Variants in KCNH1 observed in about 807,000 individuals in gnomAD.
The protein encoded by KCNH1 is voltage-gated delayed rectifier potassium channel KCNH1.
A neutral mutation model predicts 69.2 loss-of-function variants in KCNH1; 27 were observed. The ratio of observed to expected loss-of-function variants is 0.39; its 90% CI spans 0.29 to 0.54. The LOEUF (loss-of-function observed/expected upper bound fraction) is 0.54. Ranked by LOEUF, KCNH1 falls within the 20% of genes least tolerant of loss-of-function variation. The pLI is 0.68. For synonymous variants in KCNH1, 456 were observed against 487.7 expected (o/e 0.93, Z 0.86); for missense variants, 798 against 1,261.6 (o/e 0.63, Z 5.57).
At chr1:210,983,234 G>T (rs1688751536) in intron 6 of KCNH1, among the ~76,000 whole-genome samples, 1 of 152,176 alleles carries the variant, frequency 6.6e-6, no homozygotes, top group African/African-American at 2.4e-5. Context: ...TGTTCACTCT[G>T]ATGGTAGTTT....
chr1:211,019,325 A>C, intron 5 of KCNH1, 69 bp from the exon 6 acceptor site: 1 of 984,058 alleles, frequency 1.0e-6, no homozygotes, highest in Non-Finnish European at 1.5e-6. Context: ...ACCAGTCAGC[A>C]TCAGTGATTG....
rs1687416961 is a variant in KCNH1, at chr1:210,919,554, C to G, written c.1462+86G>C. 1 of 1,220,754 alleles carries G rather than the reference C, an allele frequency of 8.2e-7. No individual in the cohort carries two copies. Among genetic ancestry groups the G allele is most frequent in the East Asian group, 2.3e-5 (1 of 42,744 alleles). The allele number at this position is 1,220,754 out of a possible 1,614,324, so 75.6% of individuals were successfully genotyped here. A position where few individuals can be genotyped will look rare whatever the true frequency, so the allele number is the denominator to read the frequency against. On this transcript the variant is annotated intron_variant, in intron 7 of 10. Coordinates refer to ENST00000271751, the MANE Select transcript of KCNH1 (RefSeq NM_172362.3). The surrounding 1 kb of genome is among the most constrained non-coding windows in gnomAD (Gnocchi z 4.2). ...CTTCCTTGTTTTAAGTTATTATTCTCCTGATCCTGCTGGCACTGTAGCCAT... is the reference window on the plus strand; with the variant it reads ...CTTCCTTGTTTTAAGTTATTATTCTGCTGATCCTGCTGGCACTGTAGCCAT...
chr1:210,822,176 G>A (rs899440772), intron 7 of KCNH1, among the ~76,000 whole-genome samples: 1 of 152,064 alleles, frequency 6.6e-6, no homozygotes, highest in Non-Finnish European at 1.5e-5. Context: ...TGATGGGGCT[G>A]GGCAGGGCAT....
At chr1:210,969,903 G>C (rs1258892607) in intron 6 of KCNH1, among the ~76,000 whole-genome samples, 1 of 151,172 alleles carries the variant, frequency 6.6e-6, no homozygotes, top group Admixed American at 6.6e-5. Flanking sequence ...TTTTCATTTT[G>C]TTTTTGTTTT....
intron 5 of KCNH1, among the ~76,000 whole-genome samples, chr1:211,029,334 T>A (rs1205392038): frequency 4.3e-5 from 1 of 23,146 alleles, no homozygotes; most frequent in African/African-American, 2.0e-4. Context: ...TCCTGTCACT[T>A]AAAAAAAAAA....
intron 7 of KCNH1, among the ~76,000 whole-genome samples, chr1:210,889,166 G>C (rs10863867): frequency 0.25 from 38,699 of 152,044 alleles, 5,385 homozygotes; most frequent in African/African-American, 0.38. Flanking sequence ...TAAAATACTG[G>C]CAAACTGAAT....
intron 6 of KCNH1, among the ~76,000 whole-genome samples, chr1:210,920,898 A>G (rs950413615): frequency 3.3e-5 from 5 of 152,178 alleles, no homozygotes; most frequent in Admixed American, 3.3e-4. Context: ...TCACCTGGTC[A>G]AGCCTCTTCC....
chr1:211,097,720 A>G (rs2102478920), intron 3 of KCNH1, among the ~76,000 whole-genome samples: 1 of 152,244 alleles, frequency 6.6e-6, no homozygotes, highest in East Asian at 1.9e-4. Context: ...TACAGTAGGT[A>G]ATCAATATGT....
intron 10 of KCNH1, among the ~76,000 whole-genome samples, chr1:210,743,388 A>T (rs1353969463): frequency 6.6e-6 from 1 of 152,182 alleles, no homozygotes; most frequent in African/African-American, 2.4e-5. Context: ...GATCTCTAGT[A>T]GGCTCTTCCA....
chr1:210,988,135 C>T (rs11578692), intron 6 of KCNH1, among the ~76,000 whole-genome samples: 50,224 of 152,074 alleles, frequency 0.33, 8,717 homozygotes, highest in Non-Finnish European at 0.38. Flanking sequence ...GTTGGAAAAG[C>T]GCAGTATTAG....
intron 6 of KCNH1, among the ~76,000 whole-genome samples, chr1:210,986,931 T>C (rs1688850192): frequency 2.6e-5 from 4 of 152,226 alleles, no homozygotes; most frequent in Admixed American, 2.6e-4. Flanking sequence ...CAGTCAGATG[T>C]AGATTTGGTC....
At chr1:210,710,741 G>A (rs17188506) in intron 10 of KCNH1, among the ~76,000 whole-genome samples, 46,602 of 151,156 alleles carry the variant, frequency 0.31, 8,747 homozygotes, top group South Asian at 0.5. Flanking sequence ...GCCCTCAAAC[G>A]CTGGCTCCTT....
At chr1:211,022,534 G>A (rs1000964097) in intron 5 of KCNH1, among the ~76,000 whole-genome samples, 5 of 152,144 alleles carry the variant, frequency 3.3e-5, no homozygotes, top group Non-Finnish European at 7.4e-5. Context: ...AGAATGAAGA[G>A]ACAACCTACA....
In KCNH1 at chr1:211,081,188, A is replaced by T. The variant is rs192365844; in HGVS notation, c.558+1592T>A. ...GAACAGACACTTCTCAAACGAAGAC[A>T]TTTATGCAGCCAACAGACACATGAA... On this transcript the variant is annotated intron_variant, in intron 5 of 10. Coordinates refer to ENST00000271751, the MANE Select transcript of KCNH1 (RefSeq NM_172362.3). Among the ~76,000 whole-genome samples, 290 of 152,364 alleles carry T rather than the reference A, an allele frequency of 1.9e-3. 2 individuals carry two copies. The highest frequency in any genetic ancestry group is 1.2e-3 in the Non-Finnish European group (80 of 68,038).
intron 10 of KCNH1, among the ~76,000 whole-genome samples, chr1:210,759,452 T>C (rs1345684135): frequency 6.6e-6 from 1 of 151,838 alleles, no homozygotes; most frequent in Non-Finnish European, 1.5e-5. Flanking sequence ...AAAAACAATA[T>C]GGCTATATTA....
At chr1:210,775,673 C>A in intron 9 of KCNH1, 129 bp from the exon 10 acceptor site, 2 of 637,526 alleles carry the variant, frequency 3.1e-6, no homozygotes, top group Non-Finnish European at 2.7e-6. Context: ...AGAAGGCAAA[C>A]ACTATTTTAA....
chr1:210,927,112 A>G (rs1194095209), intron 6 of KCNH1, among the ~76,000 whole-genome samples: 1 of 152,240 alleles, frequency 6.6e-6, no homozygotes. Context: ...TTCCTGGGGA[A>G]GAAGATAAAT....
chr1:210,878,888 G>C (rs1373136556), intron 7 of KCNH1, among the ~76,000 whole-genome samples: 2 of 151,848 alleles, frequency 1.3e-5, no homozygotes, highest in African/African-American at 2.4e-5. Context: ...TTCTATCCAG[G>C]CTAATTCTAA....
intron 10 of KCNH1, among the ~76,000 whole-genome samples, chr1:210,771,689 G>A (rs1345142127): frequency 1.3e-5 from 2 of 152,222 alleles, no homozygotes; most frequent in East Asian, 3.8e-4. Context: ...TGTGAGCTTT[G>A]CAAATATTAT....
Sources: gnomAD v4.1 joint callset for allele counts (sites outside exome capture counted in the v4.1 genomes callset) on GRCh38, gnomAD v4.1.1 for gene constraint, Gnocchi (gnomAD v3.1) non-coding constraint, MANE v1.5 for transcripts, NCBI Gene and HGNC (gene_info 2026-07-23, HGNC 2026-07-21) for gene names.